Variants in RGS7BP observed in about 807,000 individuals in gnomAD.
The protein encoded by RGS7BP is regulator of G protein signaling 7 binding protein.
Under a neutral mutation model 31.3 loss-of-function variants are expected in RGS7BP, and 9 were observed. The ratio of observed to expected loss-of-function variants is 0.29; its 90% CI spans 0.17 to 0.50. The LOEUF (loss-of-function observed/expected upper bound fraction) is 0.50. Ranked by LOEUF, RGS7BP falls within the 20% of genes least tolerant of loss-of-function variation. The probability of loss-of-function intolerance (pLI) is 0.98; values close to 1 mark genes in which losing one functional copy is unlikely to be tolerated. For missense variants in RGS7BP, 274 were observed against 322.0 expected, an observed-to-expected ratio of 0.85 and a Z score of 1.14; for synonymous variants, 115 against 120.1, an observed-to-expected ratio of 0.96 and a Z score of 0.28.
chr5:64,585,197 G>A (rs1032631944), intron 3 of RGS7BP, among the ~76,000 whole-genome samples: 1 of 152,110 alleles, frequency 6.6e-6, no homozygotes, highest in Non-Finnish European at 1.5e-5. Flanking sequence ...TGTGTCAGGA[G>A]CACAAAGGAT....
At chr5:64,560,284 A>G (rs1742021813) in intron 2 of RGS7BP, among the ~76,000 whole-genome samples, 1 of 152,094 alleles carries the variant, frequency 6.6e-6, no homozygotes, top group Non-Finnish European at 1.5e-5. Flanking sequence ...GGAACTTAAC[A>G]CAAATCAAAT....
Position 64,612,028 on chromosome 5 carries a change from A to G in RGS7BP, c.*2776A>G, listed in dbSNP as rs1234449639. On this transcript the variant is annotated 3_prime_UTR_variant, in exon 6 of 6. Transcript: ENST00000334025. ...AGGCTTGAAACAGAAAATGATGTAA[A>G]CTTTTGTGGCATACATTCACCCATT... The G allele has an allele frequency of 1.3e-5, 2 of 152,164 alleles. No homozygotes were observed. Among genetic ancestry groups the G allele is most frequent in the Non-Finnish European group, 2.9e-5 (2 of 67,890 alleles). The allele number at this position is 152,164 out of a possible 1,614,324, so 9.4% of individuals were successfully genotyped here.
chr5:64,577,315 G>A (rs1014207455), intron 3 of RGS7BP, among the ~76,000 whole-genome samples: 1 of 152,022 alleles, frequency 6.6e-6, no homozygotes, highest in African/African-American at 2.4e-5. Flanking sequence ...GGTGGGGGGC[G>A]CCTGTAATCC....
At position 64,506,837 on chromosome 5, in the gene RGS7BP, G is replaced by T. The variant is rs752651590; in HGVS notation, c.165+48G>T. 6.6e-7 allele frequency: 1 copy of T among 1,511,630 alleles called. No homozygotes were observed. The highest frequency in any genetic ancestry group is 1.4e-5 in the African/African-American group (1 of 70,886). The allele number at this position is 1,511,630 out of a possible 1,614,324, so 93.6% of individuals were successfully genotyped here. On this transcript the variant is annotated intron_variant, in intron 1 of 5. Transcript: ENST00000334025. The surrounding 1 kb of genome is among the most constrained non-coding windows in gnomAD (Gnocchi z 4.6). ...TTTTTTTTTTTTTAATTGAGAGGGG[G>T]TGGGGGGAGTCATGTATGTTAATCA...
intron 2 of RGS7BP, among the ~76,000 whole-genome samples, chr5:64,551,639 A>T (rs1741799381): frequency 6.7e-6 from 1 of 150,242 alleles, no homozygotes; most frequent in Non-Finnish European, 1.5e-5. Context: ...TCAGCACTTG[A>T]CTATTAAGAC....
chr5:64,559,836 C>G (rs62369456), intron 2 of RGS7BP, among the ~76,000 whole-genome samples: 12,715 of 152,116 alleles, frequency 0.084, 742 homozygotes, highest in Non-Finnish European at 0.12. Context: ...TTGGTATTTA[C>G]CAAATCAAAC....
intron 3 of RGS7BP, among the ~76,000 whole-genome samples, chr5:64,585,862 T>C (rs1203618619): frequency 6.6e-6 from 1 of 152,190 alleles, no homozygotes; most frequent in Non-Finnish European, 1.5e-5. Flanking sequence ...GTCCTAGTTC[T>C]AAACAGTGAT....
In RGS7BP at chr5:64,506,611, G is replaced by C; in HGVS notation, c.-14G>C. On this transcript the variant is annotated 5_prime_UTR_variant, in exon 1 of 6. Transcript: ENST00000334025. This position sits in a 1 kb window ranked among gnomAD's most constrained non-coding sequence, Gnocchi z 4.6. ...GCACTGCACCAGCGGCTTCGGCTTG[G>C]TGGATGTGTATGCATGAGTTCTGCA... 6.3e-7 allele frequency: 1 copy of C among 1,577,520 alleles called. No homozygotes were observed. Among genetic ancestry groups the C allele is most frequent in the Non-Finnish European group, 8.7e-7 (1 of 1,152,634 alleles).
intron 2 of RGS7BP, among the ~76,000 whole-genome samples, chr5:64,512,408 T>C (rs1259171511): frequency 6.6e-6 from 1 of 152,190 alleles, no homozygotes; most frequent in Non-Finnish European, 1.5e-5. Flanking sequence ...CGTGGTTAAG[T>C]GCATAGACTT....
At chr5:64,606,478 C>T (rs1489848301) in intron 5 of RGS7BP, among the ~76,000 whole-genome samples, 2 of 151,910 alleles carry the variant, frequency 1.3e-5, no homozygotes, top group African/African-American at 4.8e-5. Context: ...TCTTTCTTTC[C>T]CATAAATATC....
At position 64,506,825 on chromosome 5, in the gene RGS7BP, A is replaced by C; in HGVS notation, c.165+36A>C. ...ACTGCGCCTCTTTTTTTTTTTTTTT[A>C]ATTGAGAGGGGGTGGGGGGAGTCAT... On this transcript the variant is annotated intron_variant, in intron 1 of 5. Transcript: ENST00000334025. This position sits in a 1 kb window ranked among gnomAD's most constrained non-coding sequence, Gnocchi z 4.6. 2.7e-6 allele frequency: 3 copies of C among 1,101,970 alleles called. No homozygotes were observed. Among genetic ancestry groups the C allele is most frequent in the East Asian group, 2.5e-5 (1 of 39,340 alleles). The allele number at this position is 1,101,970 out of a possible 1,614,324, so 68.3% of individuals were successfully genotyped here. A position where few individuals can be genotyped will look rare whatever the true frequency, so the allele number is the denominator to read the frequency against.
rs77520624 is a variant in RGS7BP at position 64,590,330 on chromosome 5, G to C, written c.464-4380G>C. 4.6e-5 allele frequency among the ~76,000 whole-genome samples: 7 copies of C among 151,810 alleles called. 1 individual carries two copies. Among genetic ancestry groups the C allele is most frequent in the Non-Finnish European group, 1.0e-4 (7 of 67,954 alleles). ...ATCTCCTCTGAAATAATTAGTCAAG[G>C]ATATGCTCCCAAAAATGAAAACTGA... On this transcript the variant is annotated intron_variant, in intron 3 of 5. Coordinates refer to ENST00000334025, the MANE Select transcript of RGS7BP (RefSeq NM_001029875.3).
At chr5:64,605,783 CACTTTCTCATCAATCCTAACA>C (rs1426876041) in intron 5 of RGS7BP, among the ~76,000 whole-genome samples, 3 of 151,794 alleles carry the variant, frequency 2.0e-5, no homozygotes, top group Non-Finnish European at 4.4e-5. Flanking sequence ...CATGTCTGAG[CACTTTCTCATCAATCCTAACA>C]ATTTATTCAC....
At position 64,609,209 on chromosome 5, in the gene RGS7BP, G is replaced by A. The variant is rs749044889; in HGVS notation, c.731G>A (p.Arg244Gln). Residue 244 changes from arginine to glutamine, a missense_variant, in exon 6 of 6, where the codon CGG (arginine) becomes CAG (glutamine). Physicochemically the swap from Arg to Gln is conservative, Grantham distance 43. Transcript: ENST00000334025. Reference sequence around the variant, plus strand: ...ACTCCCTACCCCCTGGTGAGAAGACGGAAGAGAAGGTTCTTTGGGCTGTGT... The same window carrying A: ...ACTCCCTACCCCCTGGTGAGAAGACAGAAGAGAAGGTTCTTTGGGCTGTGT... ...NLTPYPLVRRRKRRFFGLCCL... is the reference protein window; with the variant it reads ...NLTPYPLVRRQKRRFFGLCCL... 20 of 1,611,314 alleles carry A rather than the reference G, an allele frequency of 1.2e-5. No individual in the cohort carries two copies. The highest frequency in any genetic ancestry group is 1.1e-4 in the South Asian group (10 of 90,996).
At chr5:64,601,823 A>G (rs1447903697) in intron 5 of RGS7BP, among the ~76,000 whole-genome samples, 1 of 152,224 alleles carries the variant, frequency 6.6e-6, no homozygotes, top group Non-Finnish European at 1.5e-5. Flanking sequence ...TGGAAAGTGA[A>G]GGACAAGCAT....
In RGS7BP at chr5:64,583,338, G is replaced by A. The variant is rs147002478; in HGVS notation, c.463+7434G>A. Among the ~76,000 whole-genome samples the A allele has an allele frequency of 1.4e-3, 216 of 152,228 alleles. 1 individual carries two copies. Among genetic ancestry groups the A allele is most frequent in the African/African-American group, 4.6e-3 (191 of 41,546 alleles). ...CAGGAGGCAGAGGTTGCAGTGAGCC[G>A]AGATGACGCCACTGCACTCCAGCCT... On this transcript the variant is annotated intron_variant, in intron 3 of 5. Transcript: ENST00000334025.
intron 2 of RGS7BP, among the ~76,000 whole-genome samples, chr5:64,549,753 GC>G (rs1474533081): frequency 2.0e-5 from 3 of 152,120 alleles, no homozygotes; most frequent in Non-Finnish European, 2.9e-5. Context: ...TTCAGAACAA[GC>G]TTTCTCATTA....
chr5:64,604,627 G>A (rs1743307468), intron 5 of RGS7BP, among the ~76,000 whole-genome samples: 1 of 152,114 alleles, frequency 6.6e-6, no homozygotes, highest in Admixed American at 6.6e-5. Flanking sequence ...GAGAAACTCT[G>A]GAGGTGGGGT....
rs1409173754 is a variant in RGS7BP, at chr5:64,594,801, C to T, written c.555C>T (p.Pro185=). ...CCCTAGAAGACTCCTCATCATCCCCCGTAGATAGTCAGCAACATTCCTGGC... is the reference window on the plus strand; with the variant it reads ...CCCTAGAAGACTCCTCATCATCCCCTGTAGATAGTCAGCAACATTCCTGGC... ...TPALEDSSSS[P]VDSQQHSWQV... Residue 185 remains proline (P), a synonymous_variant, in exon 4 of 6, where the codon CCC becomes CCT. Transcript: ENST00000334025. 1 of 1,613,744 alleles carries T rather than the reference C, an allele frequency of 6.2e-7. No homozygotes were observed. Among genetic ancestry groups the T allele is most frequent in the Non-Finnish European group, 8.5e-7 (1 of 1,179,778 alleles).
Sources: gnomAD v4.1 joint callset for allele counts (sites outside exome capture counted in the v4.1 genomes callset) on GRCh38, gnomAD v4.1.1 for gene constraint, Gnocchi (gnomAD v3.1) non-coding constraint, MANE v1.5 for transcripts, NCBI Gene and HGNC (gene_info 2026-07-23, HGNC 2026-07-21) for gene names.